The following LNX2 variants were observed in gnomAD, a reference collection of about 807,000 sequenced individuals.
LNX2 encodes ligand of numb-protein X 2, also known as ligand of Numb protein X 2.
Under a neutral mutation model 66.2 loss-of-function variants are expected in LNX2, and 35 were observed. That is an observed-to-expected ratio of 0.53 (90% confidence interval 0.40 to 0.70). The LOEUF is 0.70. Ranked by LOEUF, LNX2 falls within the 30% of genes least tolerant of loss-of-function variation. The pLI, the probability that LNX2 is intolerant of heterozygous loss-of-function variation, is 0.00. For missense variants in LNX2, 791 were observed against 850.8 expected (o/e 0.93, Z 0.87); for synonymous variants, 337 against 315.6 (o/e 1.07, Z -0.72).
rs1450034257 is a variant in LNX2 at position 27,569,255 on chromosome 13, C to T, written c.429G>A (p.Arg143=). The T allele has an allele frequency of 4.3e-6, 7 of 1,612,842 alleles. No homozygotes were observed. Among genetic ancestry groups the T allele is most frequent in the Non-Finnish European group, 5.9e-6 (7 of 1,179,604 alleles). The stretch of plus-strand genomic sequence containing the variant: ...TTTTCCTTCTCTCCAGGGCAACTCT[C>T]CGATGAGAAGCTCCAGGACATCTAG... ...LKNRCPGASH[R]RVALERRKTS... The change falls in exon 3 of 10, where the codon CGG becomes CGA. Residue 143 remains arginine (R), a synonymous_variant. Coordinates refer to ENST00000316334, the MANE Select transcript of LNX2 (RefSeq NM_153371.4).
At chr13:27,569,322 A>C in intron 2 of LNX2, 46 bp from the exon 3 acceptor site, 1 of 1,582,006 alleles carries the variant, frequency 6.3e-7, no homozygotes. Context: ...TTGAAAACAA[A>C]CAAACAAATA....
At chr13:27,556,840 A>G (rs1955067066) in intron 6 of LNX2, among the ~76,000 whole-genome samples, 1 of 152,226 alleles carries the variant, frequency 6.6e-6, no homozygotes, top group South Asian at 2.1e-4. Context: ...AAAAGTGTAG[A>G]TTTTGGCAAC....
chr13:27,557,216 A>G (rs1593239501), intron 6 of LNX2, among the ~76,000 whole-genome samples: 2 of 152,114 alleles, frequency 1.3e-5, no homozygotes, highest in Admixed American at 6.5e-5. Context: ...ATGCCTTTAC[A>G]TGCATTATTT....
chr13:27,560,565 G>GTA (rs71083675), intron 5 of LNX2, among the ~76,000 whole-genome samples: 2,561 of 119,912 alleles, frequency 0.021, 147 homozygotes, highest in African/African-American at 0.066. Flanking sequence ...ATGTATGTGT[G>GTA]TATATATATA....
chr13:27,569,145 C>G lies in LNX2; in HGVS notation c.539G>C (p.Cys180Ser), dbSNP rs1326763523. The change falls in exon 3 of 10, where the codon TGT becomes TCT. Residue 180 changes from cysteine to serine, a missense_variant. By Grantham distance (112) the Cys-to-Ser change is moderately radical. Transcript: ENST00000316334. ...CACAGGCACTGCGCCTGTCCCCAAA[C>G]AGTCTGCTTCTGGAGATAAGGTACC... is the stretch of plus-strand genomic sequence containing the variant. ...PAGTLSPEAD[C>S]LGTGAVPVER... 6.2e-7 allele frequency: 1 copy of G among 1,612,788 alleles called. No homozygotes were observed. Among genetic ancestry groups the G allele is most frequent in the Non-Finnish European group, 8.5e-7 (1 of 1,179,586 alleles).
chr13:27,548,424 T>C lies in LNX2; in HGVS notation c.1984A>G (p.Met662Val). The change falls in exon 10 of 10, where the codon ATG becomes GTG. Residue 662 changes from methionine (M) to valine (V), a missense_variant. Met to Val is a conservative substitution (Grantham distance 21). Coordinates refer to ENST00000316334, the MANE Select transcript of LNX2 (RefSeq NM_153371.4). The stretch of plus-strand genomic sequence containing the variant: ...ATGGGAACTAGTGCAGAGTGGCTCA[T>C]GCCCACGGTTGACAGCCCATTTACG... ...VAVNGLSTVG[M>V]SHSALVPMLK... 1.2e-6 allele frequency: 2 copies of C among 1,614,180 alleles called. No individual in the cohort carries two copies.
At chr13:27,567,995 T>C (rs56274502) in intron 3 of LNX2, among the ~76,000 whole-genome samples, 156 bp from the exon 4 acceptor site, 7,854 of 152,254 alleles carry the variant, frequency 0.052, 214 homozygotes, top group Middle Eastern at 0.092. Context: ...TGACAAAATA[T>C]CTGTTGTTAA....
At chr13:27,606,092 GAACAC>G (rs1955712355) in intron 1 of LNX2, among the ~76,000 whole-genome samples, 1 of 152,128 alleles carries the variant, frequency 6.6e-6, no homozygotes, top group Admixed American at 6.6e-5. Flanking sequence ...CAGACTTGAT[GAACAC>G]TGTAAAATGC....
At chr13:27,559,349 T>C (rs931643222) in intron 6 of LNX2, among the ~76,000 whole-genome samples, 11 of 139,364 alleles carry the variant, frequency 7.9e-5, no homozygotes, top group Non-Finnish European at 1.3e-4. Flanking sequence ...ATCAAATACG[T>C]AAATATGCTA....
At chr13:27,558,142 A>AT (rs1191207008) in intron 6 of LNX2, among the ~76,000 whole-genome samples, 1 of 151,132 alleles carries the variant, frequency 6.6e-6, no homozygotes, top group Non-Finnish European at 1.5e-5. Flanking sequence ...ATATACTTTA[A>AT]TTTTTTCAGA....
chr13:27,557,239 A>G (rs61944758), intron 6 of LNX2, among the ~76,000 whole-genome samples: 21,019 of 152,040 alleles, frequency 0.14, 1,867 homozygotes, highest in African/African-American at 0.26. Flanking sequence ...TTTAACCTTC[A>G]CAAAAGTCCT....
chr13:27,560,054 T>C, intron 5 of LNX2, 69 bp from the exon 6 acceptor site: 1 of 1,361,992 alleles, frequency 7.3e-7, no homozygotes, highest in Non-Finnish European at 9.8e-7. Flanking sequence ...TTACACACAG[T>C]GTAATTTTCA....
intron 2 of LNX2, among the ~76,000 whole-genome samples, chr13:27,570,930 T>C (rs904260778): frequency 6.6e-6 from 1 of 152,196 alleles, no homozygotes; most frequent in Non-Finnish European, 1.5e-5. Context: ...GCCTATCTTA[T>C]AGTTATTAAA....
intron 2 of LNX2, among the ~76,000 whole-genome samples, chr13:27,575,136 C>T (rs1955328596): frequency 6.6e-6 from 1 of 152,128 alleles, no homozygotes; most frequent in Admixed American, 6.5e-5. Flanking sequence ...TGAAGAGCAT[C>T]AGTACAGTAC....
intron 8 of LNX2, among the ~76,000 whole-genome samples, chr13:27,551,633 T>C (rs998781167): frequency 7.1e-6 from 1 of 141,384 alleles, no homozygotes; most frequent in Non-Finnish European, 1.5e-5. Context: ...ATATAAATAA[T>C]TAATTTTAAA....
intron 1 of LNX2, among the ~76,000 whole-genome samples, chr13:27,612,779 C>T (rs1955785672): frequency 6.6e-6 from 1 of 152,050 alleles, no homozygotes; most frequent in Admixed American, 6.5e-5. Context: ...TTTATAGAGA[C>T]AGGTTTCGCC....
chr13:27,556,136 G>A (rs1240325706), intron 7 of LNX2, 100 bp downstream of exon 7: 1 of 1,169,024 alleles, frequency 8.6e-7, no homozygotes, highest in Admixed American at 2.6e-5. Flanking sequence ...ACTTAAAAAA[G>A]TCATGTTTAA....
At chr13:27,556,201 A>C (rs763362526) in intron 7 of LNX2, 35 bp downstream of exon 7, 3 of 1,587,018 alleles carry the variant, frequency 1.9e-6, no homozygotes, top group Non-Finnish European at 2.6e-6. Context: ...ATTCAGAAAT[A>C]AGATGTGGTA....
chr13:27,557,471 G>A (rs994787958), intron 6 of LNX2, among the ~76,000 whole-genome samples: 2 of 151,972 alleles, frequency 1.3e-5, no homozygotes, highest in African/African-American at 4.8e-5. Context: ...ACCTACACAA[G>A]AACTATCCCA....
Sources: allele counts gnomAD v4.1 joint callset (sites outside exome capture counted in the v4.1 genomes callset), GRCh38; gene constraint gnomAD v4.1.1; transcripts MANE v1.5; gene names NCBI Gene and HGNC (gene_info 2026-07-23, HGNC 2026-07-21).